The following OPCML variants were observed in gnomAD, a reference collection of about 807,000 sequenced individuals.
The protein encoded by OPCML is opioid binding protein/cell adhesion molecule like.
In OPCML, 13 loss-of-function variants were observed where a neutral mutation model predicts 37.8. That is an observed-to-expected ratio of 0.34 (90% CI 0.22 to 0.55). The LOEUF is 0.55. OPCML is among the 20% of genes least tolerant of loss of function. OPCML has a pLI of 0.91. For missense variants in OPCML, 341 were observed against 435.6 expected, an observed-to-expected ratio of 0.78 and a Z score of 1.93; for synonymous variants, 176 against 168.8, an observed-to-expected ratio of 1.04 and a Z score of -0.33.
chr11:132,686,401 G>A (rs888932604), intron 2 of OPCML, among the ~76,000 whole-genome samples: 7 of 152,186 alleles, frequency 4.6e-5, no homozygotes, highest in African/African-American at 1.7e-4. Flanking sequence ...CAAGGAAGAT[G>A]GAGAACTCAC....
intron 2 of OPCML, among the ~76,000 whole-genome samples, chr11:132,761,330 T>A (rs193199648): frequency 4.9e-4 from 75 of 152,062 alleles, no homozygotes; most frequent in African/African-American, 1.7e-3. Context: ...TTCTCTGTAT[T>A]TCCTTAATGT....
At chr11:133,521,373 T>C (rs76730282) in intron 1 of OPCML, among the ~76,000 whole-genome samples, 6,679 of 152,264 alleles carry the variant, frequency 0.044, 198 homozygotes, top group South Asian at 0.098. Flanking sequence ...GAAGGCAGGA[T>C]AGCTAATTGT....
intron 2 of OPCML, among the ~76,000 whole-genome samples, chr11:132,832,992 C>T (rs1940787117): frequency 1.3e-5 from 2 of 152,142 alleles, no homozygotes; most frequent in African/African-American, 2.4e-5. Flanking sequence ...CTGGAAGGTG[C>T]TCTGGCTAAG....
chr11:132,665,419 C>T (rs1171891115), intron 2 of OPCML, among the ~76,000 whole-genome samples: 2 of 152,152 alleles, frequency 1.3e-5, no homozygotes, highest in Non-Finnish European at 2.9e-5. Context: ...TCACACCACG[C>T]AAGTGAGGCA....
At chr11:133,289,370 C>T (rs1315950533) in intron 1 of OPCML, among the ~76,000 whole-genome samples, 1 of 151,696 alleles carries the variant, frequency 6.6e-6, no homozygotes, top group East Asian at 1.9e-4. Context: ...CCGAGGCGGG[C>T]GGATCACGAG....
intron 4 of OPCML, among the ~76,000 whole-genome samples, chr11:132,497,614 A>G (rs1340496079): frequency 6.6e-6 from 1 of 152,084 alleles, no homozygotes; most frequent in Non-Finnish European, 1.5e-5. Context: ...GAACATTCCA[A>G]GCAGAGGTAA....
intron 1 of OPCML, among the ~76,000 whole-genome samples, chr11:133,529,417 A>G (rs1948556889): frequency 6.6e-6 from 1 of 152,192 alleles, no homozygotes; most frequent in Admixed American, 6.5e-5. Context: ...AGGGGTGTCC[A>G]GAGCCTCGGA....
chr11:133,508,803 G>A (rs1004119242), intron 1 of OPCML, among the ~76,000 whole-genome samples: 23 of 152,272 alleles, frequency 1.5e-4, no homozygotes, highest in South Asian at 4.1e-4. Context: ...CAAGGAAAGC[G>A]CTGAAAACGA....
intron 4 of OPCML, among the ~76,000 whole-genome samples, chr11:132,454,008 T>G (rs1184608944): frequency 2.6e-5 from 4 of 152,198 alleles, no homozygotes; most frequent in African/African-American, 9.7e-5. Context: ...ATTTTCATGT[T>G]TTGCCTTCTC....
At chr11:132,694,359 C>T (rs963004368) in intron 2 of OPCML, among the ~76,000 whole-genome samples, 6 of 151,732 alleles carry the variant, frequency 4.0e-5, no homozygotes, top group Non-Finnish European at 8.8e-5. Context: ...CCACCACGCC[C>T]GGCTAATTTT....
chr11:133,327,861 C>G (rs1279437741), intron 1 of OPCML, among the ~76,000 whole-genome samples: 1 of 152,144 alleles, frequency 6.6e-6, no homozygotes, highest in East Asian at 1.9e-4. Flanking sequence ...GAATCATGTG[C>G]ACCAGGGTTC....
At chr11:132,599,252 C>T (rs1324768412) in intron 3 of OPCML, among the ~76,000 whole-genome samples, 1 of 151,974 alleles carries the variant, frequency 6.6e-6, no homozygotes, top group East Asian at 1.9e-4. Context: ...CACCACTGCA[C>T]TCCAGCCTGG....
At chr11:133,156,256 A>G (rs926323709) in intron 1 of OPCML, among the ~76,000 whole-genome samples, 9 of 152,128 alleles carry the variant, frequency 5.9e-5, no homozygotes, top group African/African-American at 1.9e-4. Context: ...TGCTTACTCA[A>G]CATGTTACCT....
intron 7 of OPCML, among the ~76,000 whole-genome samples, chr11:132,428,090 T>C (rs2095983615): frequency 6.6e-6 from 1 of 152,234 alleles, no homozygotes; most frequent in Non-Finnish European, 1.5e-5. Context: ...TATCATGTGA[T>C]GAACGTCTTC....
At chr11:133,192,205 G>C (rs764600958) in intron 1 of OPCML, among the ~76,000 whole-genome samples, 8 of 152,220 alleles carry the variant, frequency 5.3e-5, no homozygotes, top group Non-Finnish European at 1.2e-4. Flanking sequence ...TTCTTGGTCA[G>C]AGAGTTTTTG....
intron 2 of OPCML, among the ~76,000 whole-genome samples, chr11:132,861,197 G>C (rs995343739): frequency 6.6e-6 from 1 of 152,080 alleles, no homozygotes; most frequent in Non-Finnish European, 1.5e-5. Flanking sequence ...CCAGGCTCTC[G>C]GGATGTTTTA....
intron 4 of OPCML, among the ~76,000 whole-genome samples, chr11:132,452,321 T>A (rs2096070385): frequency 6.6e-6 from 1 of 152,050 alleles, no homozygotes; most frequent in African/African-American, 2.4e-5. Flanking sequence ...TGGGGGAGGA[T>A]GAAAGGTCCA....
chr11:133,132,545 T>G (rs1949621487), intron 1 of OPCML, among the ~76,000 whole-genome samples: 1 of 152,088 alleles, frequency 6.6e-6, no homozygotes, highest in African/African-American at 2.4e-5. Context: ...CCAAGATAAA[T>G]GAAGGTATAC....
intron 1 of OPCML, among the ~76,000 whole-genome samples, chr11:133,406,532 ATTAAC>A (rs1231446959): frequency 6.6e-6 from 1 of 152,250 alleles, no homozygotes; most frequent in South Asian, 2.1e-4. Flanking sequence ...TACTGGGCAC[ATTAAC>A]TTAAGTTGTA....
Sources: allele counts gnomAD v4.1 joint callset (sites outside exome capture counted in the v4.1 genomes callset), GRCh38; gene constraint gnomAD v4.1.1; transcripts MANE v1.5; gene names NCBI Gene and HGNC (gene_info 2026-07-23, HGNC 2026-07-21).